The following SYK variants were observed in gnomAD, a reference collection of about 807,000 sequenced individuals.
The protein encoded by SYK is tyrosine-protein kinase SYK.
SYK carries 16 observed loss-of-function variants against 77.8 expected under a neutral mutation model. The ratio of observed to expected loss-of-function variants is 0.21; its 90% CI spans 0.14 to 0.31. The LOEUF (loss-of-function observed/expected upper bound fraction) is 0.31, where lower values mean the gene tolerates loss of function less well. SYK is among the 10% of genes least tolerant of loss of function. SYK has a pLI of 1.00. For missense variants in SYK, 529 were observed against 814.4 expected (o/e 0.65, Z 4.26); for synonymous variants, 312 against 308.7 (o/e 1.01, Z -0.11).
rs1829080945 is a variant in SYK at position 90,898,453 on chromosome 9, T to C, written c.*2853T>C. On this transcript the variant is annotated 3_prime_UTR_variant, in exon 14 of 14. Transcript: ENST00000375754. ...CCTGCAGAGAGCTCCCTCCACTGGTTAGCAGTGTGTTGTGTTTTCCATTCA... is the reference window on the plus strand; with the variant it reads ...CCTGCAGAGAGCTCCCTCCACTGGTCAGCAGTGTGTTGTGTTTTCCATTCA... The C allele has an allele frequency of 9.0e-6, 2 of 221,910 alleles. No individual in the cohort carries two copies. The allele number at this position is 221,910 out of a possible 1,614,324, so 13.7% of individuals were successfully genotyped here. A position where few individuals can be genotyped will look rare whatever the true frequency, so the allele number is the denominator to read the frequency against.
At chr9:90,848,242 G>T (rs1297207113) in intron 3 of SYK, among the ~76,000 whole-genome samples, 1 of 152,184 alleles carries the variant, frequency 6.6e-6, no homozygotes, top group African/African-American at 2.4e-5. Context: ...TTCATCTTTA[G>T]AAGTGTTTGT....
At chr9:90,872,667 C>A (rs1392548198) in intron 7 of SYK, among the ~76,000 whole-genome samples, 2 of 152,202 alleles carry the variant, frequency 1.3e-5, no homozygotes, top group African/African-American at 4.8e-5. Flanking sequence ...ATTCTTATTT[C>A]TCTTCATCAG....
At chr9:90,873,651 G>A (rs1280779923) in intron 7 of SYK, among the ~76,000 whole-genome samples, 2 of 152,186 alleles carry the variant, frequency 1.3e-5, no homozygotes, top group East Asian at 3.8e-4. Flanking sequence ...ACTGACCAGT[G>A]CCACCCTCTG....
chr9:90,847,701 T>C (rs943916229), intron 3 of SYK, among the ~76,000 whole-genome samples: 15 of 152,248 alleles, frequency 9.9e-5, no homozygotes, highest in African/African-American at 3.4e-4. Context: ...GTTCCCATGA[T>C]GGTTGTAGAA....
intron 3 of SYK, among the ~76,000 whole-genome samples, chr9:90,859,216 A>G (rs985086438): frequency 2.6e-5 from 4 of 152,184 alleles, no homozygotes; most frequent in African/African-American, 9.7e-5. Context: ...TCACACACTC[A>G]TACCCATCTG....
intron 1 of SYK, among the ~76,000 whole-genome samples, chr9:90,815,935 T>C (rs1368920453): frequency 6.6e-6 from 1 of 152,206 alleles, no homozygotes; most frequent in Non-Finnish European, 1.5e-5. Context: ...TATGCTAAGC[T>C]CTCTAGAGAG....
chr9:90,865,890 C>CATT (rs1564106023), intron 6 of SYK, among the ~76,000 whole-genome samples: 1 of 49,538 alleles, frequency 2.0e-5, no homozygotes, highest in African/African-American at 9.6e-5. Context: ...CTACATATGG[C>CATT]CTTTTTTTTT....
At chr9:90,875,931 C>A (rs1458184314) in intron 9 of SYK, among the ~76,000 whole-genome samples, 1 of 151,856 alleles carries the variant, frequency 6.6e-6, no homozygotes, top group South Asian at 2.1e-4. Context: ...AAAAAAAATT[C>A]GTGAGTAGGT....
intron 2 of SYK, 102 bp downstream of exon 2, chr9:90,844,417 C>A: frequency 7.8e-7 from 1 of 1,284,894 alleles, no homozygotes; most frequent in African/African-American, 1.5e-5. Context: ...CCCTGTGTGC[C>A]CAAATAACAC....
chr9:90,845,092 C>G (rs956391420), intron 2 of SYK, among the ~76,000 whole-genome samples: 4 of 152,156 alleles, frequency 2.6e-5, no homozygotes, highest in African/African-American at 7.2e-5. Context: ...TGTGCCACCA[C>G]ACCTGGCTAA....
intron 1 of SYK, among the ~76,000 whole-genome samples, chr9:90,836,188 G>A (rs975515610): frequency 2.0e-5 from 3 of 151,852 alleles, no homozygotes; most frequent in Admixed American, 6.6e-5. Flanking sequence ...TTGGGAGGCT[G>A]AGGCAGGAGA....
intron 9 of SYK, 129 bp from the exon 10 acceptor site, chr9:90,877,442 C>T: frequency 1.0e-6 from 1 of 982,944 alleles, no homozygotes; most frequent in Non-Finnish European, 1.5e-6. Flanking sequence ...CTTCTGAAGA[C>T]ACATTGCCAC....
chr9:90,803,381 T>C (rs1824683635), intron 1 of SYK, among the ~76,000 whole-genome samples: 1 of 151,692 alleles, frequency 6.6e-6, no homozygotes, highest in Non-Finnish European at 1.5e-5. Context: ...TGAGGGATTG[T>C]GGGAAGATTT....
At chr9:90,838,266 A>T (rs899193335) in intron 1 of SYK, among the ~76,000 whole-genome samples, 5 of 152,234 alleles carry the variant, frequency 3.3e-5, no homozygotes, top group Admixed American at 2.0e-4. Flanking sequence ...GTGATATGGC[A>T]GTGAACAAGG....
intron 7 of SYK, among the ~76,000 whole-genome samples, chr9:90,870,589 G>T (rs1185622139): frequency 2.6e-5 from 4 of 152,178 alleles, no homozygotes; most frequent in South Asian, 4.1e-4. Context: ...AATTATAAAG[G>T]AACAGATTTT....
intron 11 of SYK, among the ~76,000 whole-genome samples, chr9:90,884,131 C>A (rs1180856089): frequency 1.1e-5 from 1 of 92,474 alleles, no homozygotes; most frequent in African/African-American, 5.3e-5. Flanking sequence ...CCAAAGTGCC[C>A]TACATATATA....
chr9:90,864,941 T>G, intron 5 of SYK, 107 bp from the exon 6 acceptor site: 1 of 1,169,932 alleles, frequency 8.5e-7, no homozygotes, highest in Non-Finnish European at 1.3e-6. Flanking sequence ...CGTGCTCACT[T>G]CTCAAGCAGC....
intron 1 of SYK, among the ~76,000 whole-genome samples, chr9:90,841,457 T>A (rs561211180): frequency 8.8e-4 from 133 of 151,864 alleles, no homozygotes; most frequent in African/African-American, 3.0e-3. Flanking sequence ...GTGTATGTAG[T>A]TTGTGTGTGT....
intron 3 of SYK, among the ~76,000 whole-genome samples, chr9:90,860,974 T>C (rs1827233324): frequency 6.6e-6 from 1 of 152,110 alleles, no homozygotes; most frequent in South Asian, 2.1e-4. Context: ...ATTTTGGACC[T>C]CAGCTTCCTC....
Sources: allele counts gnomAD v4.1 joint callset (sites outside exome capture counted in the v4.1 genomes callset), GRCh38; gene constraint gnomAD v4.1.1; transcripts MANE v1.5; gene names NCBI Gene and HGNC (gene_info 2026-07-23, HGNC 2026-07-21).